Variants in KALRN observed in about 807,000 individuals in gnomAD.
The protein encoded by KALRN is kalirin RhoGEF kinase.
KALRN carries 70 observed loss-of-function variants against 353.7 expected under a neutral mutation model. The ratio of observed to expected loss-of-function variants is 0.20; its 90% CI spans 0.16 to 0.24. The LOEUF is 0.24. KALRN is among the 10% of genes least tolerant of loss of function. KALRN has a pLI of 1.00. For synonymous variants in KALRN, 1,391 were observed against 1,434.8 expected, an observed-to-expected ratio of 0.97 and a Z score of 0.69; for missense variants, 2,791 against 3,756.7, an observed-to-expected ratio of 0.74 and a Z score of 6.72.
intron 33 of KALRN, among the ~76,000 whole-genome samples, chr3:124,522,822 G>T (rs888470866): frequency 2.0e-5 from 3 of 152,206 alleles, no homozygotes; most frequent in Non-Finnish European, 4.4e-5. Flanking sequence ...TCATTAGGAT[G>T]CATGGATGTT....
intron 10 of KALRN, among the ~76,000 whole-genome samples, chr3:124,353,200 A>T (rs1289372341): frequency 6.6e-6 from 1 of 152,202 alleles, no homozygotes; most frequent in Non-Finnish European, 1.5e-5. Context: ...CAAAATAGGT[A>T]AGAATAGAAG....
At chr3:124,224,162 T>C (rs536543024) in intron 1 of KALRN, among the ~76,000 whole-genome samples, 4 of 151,478 alleles carry the variant, frequency 2.6e-5, no homozygotes, top group Non-Finnish European at 5.9e-5. Context: ...TTTTGTTTTT[T>C]TTTTTTCCTG....
At chr3:124,408,375 G>T (rs1390005849) in intron 13 of KALRN, among the ~76,000 whole-genome samples, 1 of 152,148 alleles carries the variant, frequency 6.6e-6, no homozygotes, top group Non-Finnish European at 1.5e-5. Context: ...TCTTGGAGCA[G>T]CCCTATTGTT....
rs191397475 is a variant in KALRN at position 124,620,202 on chromosome 3, G to A, written c.5183-12218G>A. ...TGCAGCCTTGACCTCCTGGGCTCAA[G>A]CAATTCTGCTGCCTCAACCTCCTAA... On this transcript the variant is annotated intron_variant, in intron 34 of 59. Coordinates refer to ENST00000682506, the MANE Select transcript of KALRN (RefSeq NM_001388419.1). 5.9e-5 allele frequency among the ~76,000 whole-genome samples: 9 copies of A among 152,286 alleles called. No individual in the cohort carries two copies. The East Asian group carries it at 1.3e-3, about 23-fold the overall frequency.
chr3:124,546,499 G>A (rs546786677), intron 33 of KALRN, among the ~76,000 whole-genome samples: 1 of 151,884 alleles, frequency 6.6e-6, no homozygotes, highest in Non-Finnish European at 1.5e-5. Context: ...AGAAAGAAAG[G>A]CAGACAGTGG....
intron 1 of KALRN, among the ~76,000 whole-genome samples, chr3:124,201,514 A>G (rs948118787): frequency 1.3e-5 from 2 of 152,348 alleles, no homozygotes; most frequent in African/African-American, 4.8e-5. Context: ...ACTAGTATTC[A>G]GAAATTTTCC....
chr3:124,323,452 C>T (rs567737320), intron 6 of KALRN, among the ~76,000 whole-genome samples: 3 of 152,314 alleles, frequency 2.0e-5, no homozygotes, highest in Non-Finnish European at 2.9e-5. Context: ...TGATCTCCTA[C>T]AGCCCCCAAC....
rs150621232 is a variant in KALRN, at chr3:124,258,012, T to C, written c.264-6486T>C. Among the ~76,000 whole-genome samples the C allele has an allele frequency of 3.2e-3, 494 of 152,252 alleles. 5 individuals are homozygous for C. The highest frequency in any genetic ancestry group is 0.011 in the African/African-American group (461 of 41,528). The stretch of plus-strand genomic sequence containing the variant: ...GAAAAAAAGCAGGCTACCTGTTAGT[T>C]ATGTTCCACTGTAAACGGGTCTGCT... On this transcript the variant is annotated intron_variant, in intron 3 of 59. Transcript: ENST00000682506.
chr3:124,112,394 AC>A (rs1175957764), intron 1 of KALRN, among the ~76,000 whole-genome samples: 1 of 151,946 alleles, frequency 6.6e-6, no homozygotes, highest in African/African-American at 2.4e-5. Flanking sequence ...GATCTAATAT[AC>A]CTGCCTTTGT....
chr3:124,034,597 C>T (rs910212384), intron 1 of KALRN, among the ~76,000 whole-genome samples: 3 of 152,004 alleles, frequency 2.0e-5, no homozygotes, highest in African/African-American at 7.3e-5. Context: ...TCGTCCAAGT[C>T]CCGGGTCCAT....
Position 124,085,415 on chromosome 3 carries a change from T to C in KALRN, c.73+51602T>C, listed in dbSNP as rs114499245. On this transcript the variant is annotated intron_variant, in intron 1 of 59. Coordinates refer to ENST00000682506, the MANE Select transcript of KALRN (RefSeq NM_001388419.1). ...ATCTGAGAGGAGTTGAGGTTCTTCCTGAATGCTTGTTATGGAGAACCCATC... is the reference window on the plus strand; with the variant it reads ...ATCTGAGAGGAGTTGAGGTTCTTCCCGAATGCTTGTTATGGAGAACCCATC... Among the ~76,000 whole-genome samples the C allele has an allele frequency of 2.1e-3, 318 of 152,318 alleles. 1 individual carries two copies. The highest frequency in any genetic ancestry group is 7.1e-3 in the African/African-American group (295 of 41,568).
At position 124,387,035 on chromosome 3, in the gene KALRN, C is replaced by T. The variant is rs191882429; in HGVS notation, c.1962+1999C>T. Among the ~76,000 whole-genome samples the T allele has an allele frequency of 1.1e-3, 169 of 152,252 alleles. No individual in the cohort carries two copies. In the Middle Eastern group the frequency reaches 0.017, roughly 15 times the overall value. ...CACTCTTGTTTTTTTCCTTTTCTAT[C>T]TCCTCTCCTCTGTTCTTCCTTCTCC... is the stretch of plus-strand genomic sequence containing the variant. On this transcript the variant is annotated intron_variant, in intron 11 of 59. Coordinates refer to ENST00000682506, the MANE Select transcript of KALRN (RefSeq NM_001388419.1).
At chr3:124,046,900 A>T (rs377123813) in intron 1 of KALRN, among the ~76,000 whole-genome samples, 52 of 148,266 alleles carry the variant, frequency 3.5e-4, no homozygotes, top group Admixed American at 2.7e-4. Context: ...TTGTTGACCC[A>T]TTTTTTTTTT....
At chr3:124,407,026 G>T (rs1223458418) in intron 13 of KALRN, among the ~76,000 whole-genome samples, 5 of 151,856 alleles carry the variant, frequency 3.3e-5, no homozygotes, top group Non-Finnish European at 7.4e-5. Flanking sequence ...TAGAGATGGG[G>T]TTTCACCATG....
intron 3 of KALRN, among the ~76,000 whole-genome samples, chr3:124,249,824 A>G (rs1404571818): frequency 6.6e-6 from 1 of 152,152 alleles, no homozygotes; most frequent in Non-Finnish European, 1.5e-5. Context: ...CACCTCCCAC[A>G]GGGCTCCCCG....
chr3:124,060,354 A>G (rs2041899374), intron 1 of KALRN, among the ~76,000 whole-genome samples: 1 of 152,184 alleles, frequency 6.6e-6, no homozygotes, highest in African/African-American at 2.4e-5. Context: ...AAAAATAGCA[A>G]AGAAAAGTAC....
intron 1 of KALRN, among the ~76,000 whole-genome samples, chr3:124,142,488 G>T (rs1016625296): frequency 6.6e-6 from 1 of 152,188 alleles, no homozygotes; most frequent in African/African-American, 2.4e-5. Flanking sequence ...AGATTGTTAT[G>T]TTCAGCTTTT....
At chr3:124,538,356 A>G (rs1172787993) in intron 33 of KALRN, among the ~76,000 whole-genome samples, 2 of 152,118 alleles carry the variant, frequency 1.3e-5, no homozygotes, top group African/African-American at 4.8e-5. Flanking sequence ...AGAGAGGAGC[A>G]CTATTTGTCT....
At chr3:124,471,063 C>G (rs889613769) in intron 25 of KALRN, among the ~76,000 whole-genome samples, 5 of 152,016 alleles carry the variant, frequency 3.3e-5, no homozygotes, top group Admixed American at 1.3e-4. Flanking sequence ...GGAGTTCCCC[C>G]TAAATATAAG....
Sources: allele counts gnomAD v4.1 joint callset (sites outside exome capture counted in the v4.1 genomes callset), GRCh38; gene constraint gnomAD v4.1.1; transcripts MANE v1.5; gene names NCBI Gene and HGNC (gene_info 2026-07-23, HGNC 2026-07-21).